RTEL1: variants seen among roughly 807,000 people sequenced by gnomAD.
The protein encoded by RTEL1 is regulator of telomere elongation helicase 1.
In RTEL1, 86 loss-of-function variants were observed where a neutral mutation model predicts 162.2. That is an observed-to-expected ratio of 0.53 (90% CI 0.45 to 0.63). RTEL1 has a LOEUF of 0.63. Ranked by LOEUF, RTEL1 falls within the 30% of genes least tolerant of loss-of-function variation. The pLI, the probability that RTEL1 is intolerant of heterozygous loss-of-function variation, is 0.00. For synonymous variants in RTEL1, 958 were observed against 717.9 expected (o/e 1.33, Z -5.35); for missense variants, 1,941 against 1,750.2 (o/e 1.11, Z -1.95).
In RTEL1 at chr20:63,693,540, ACCACCACCACCACCT is replaced by A. The variant is rs1568720728; in HGVS notation, c.2992+263_2992+277del. 3.7e-3 allele frequency among the ~76,000 whole-genome samples: 52 copies of A among 13,912 alleles called. 2 individuals carry two copies. Among genetic ancestry groups the A allele is most frequent in the Admixed American group, 0.01 (13 of 1,256 alleles). 9.1% of individuals were successfully genotyped at this position (13,912 alleles called of 152,430 possible). ...CACCACCACCACCTCCACCACCACC[ACCACCACCACCACCT>A]CCACCTCCACCACCTCCACCTCCAC... On this transcript the variant is annotated intron_variant, in intron 30 of 34. Coordinates refer to ENST00000360203, the MANE Select transcript of RTEL1 (RefSeq NM_001283009.2).
At chr20:63,664,348 A>G (rs3787103) in intron 6 of RTEL1, among the ~76,000 whole-genome samples, 71,665 of 152,038 alleles carry the variant, frequency 0.47, 17,366 homozygotes, top group Middle Eastern at 0.51. Flanking sequence ...TGGAACGCTG[A>G]GCATGGGCCT....
intron 6 of RTEL1, 58 bp downstream of exon 6, chr20:63,662,947 G>A (rs1053150189): frequency 6.6e-7 from 1 of 1,513,836 alleles, no homozygotes; most frequent in Non-Finnish European, 9.2e-7. Flanking sequence ...CTCTCAGGGT[G>A]GAGCTCAGTG....
At chr20:63,676,879 G>C (rs138002419) in intron 10 of RTEL1, among the ~76,000 whole-genome samples, 81 of 151,374 alleles carry the variant, frequency 5.4e-4, no homozygotes, top group African/African-American at 1.9e-3. Flanking sequence ...AGGTTGCAGT[G>C]AGCCGAGATC....
chr20:63,690,710 T>G, intron 26 of RTEL1, 95 bp from the exon 27 acceptor site: 2 of 1,396,422 alleles, frequency 1.4e-6, no homozygotes, highest in Non-Finnish European at 1.9e-6. Flanking sequence ...GGACCCCAAG[T>G]GCTGGGACTC....
Position 63,667,031 on chromosome 20 carries a change from G to A in RTEL1, c.615-438G>A, listed in dbSNP as rs192997671. Among the ~76,000 whole-genome samples the A allele has an allele frequency of 5.2e-3, 796 of 151,642 alleles. 6 individuals carry two copies. Among genetic ancestry groups the A allele is most frequent in the Non-Finnish European group, 8.9e-3 (606 of 67,924 alleles). On this transcript the variant is annotated intron_variant, in intron 7 of 34. Coordinates refer to ENST00000360203, the MANE Select transcript of RTEL1 (RefSeq NM_001283009.2). ...ATTTTCTGTATTTTTAGTAGAGACG[G>A]GGTTTCACCGTGTTAGCCAGGATGG...
chr20:63,682,132 T>A, intron 14 of RTEL1: 1 of 985,326 alleles, frequency 1.0e-6, no homozygotes, highest in Non-Finnish European at 1.2e-6. Context: ...CTCCCACTTA[T>A]GGAGAAGTCT....
At chr20:63,667,396 G>C in intron 7 of RTEL1, 73 bp from the exon 8 acceptor site, 1 of 1,222,232 alleles carries the variant, frequency 8.2e-7, no homozygotes, top group Non-Finnish European at 1.2e-6. Context: ...TTCCGGGTCA[G>C]AAGACATGGC....
At position 63,678,297 on chromosome 20, in the gene RTEL1, G is replaced by A. The variant is rs753838163; in HGVS notation, c.988G>A (p.Asp330Asn). The change falls in exon 12 of 35, where the codon GAT becomes AAT. Residue 330 changes from aspartate (D) to asparagine (N), a missense_variant. Transcript: ENST00000360203. The stretch of plus-strand genomic sequence containing the variant: ...CCTGCTGCGCCTGGAGGGGGCCATC[G>A]ATGCTGTTGAGCTGCCTGGAGACGA... ...MILLRLEGAI[D>N]AVELPGDDSG... The A allele has an allele frequency of 2.2e-5, 35 of 1,612,688 alleles. No homozygotes were observed. Among genetic ancestry groups the A allele is most frequent in the Middle Eastern group, 3.3e-4 (2 of 6,066 alleles).
intron 26 of RTEL1, 127 bp downstream of exon 26, chr20:63,690,568 A>C: frequency 1.6e-6 from 2 of 1,270,418 alleles, no homozygotes; most frequent in Non-Finnish European, 2.1e-6. Context: ...CCCACCTCCA[A>C]AGGCTGCCTC....
At chr20:63,660,498 C>T (rs1263220486) in intron 2 of RTEL1, among the ~76,000 whole-genome samples, 1 of 152,198 alleles carries the variant, frequency 6.6e-6, no homozygotes, top group Non-Finnish European at 1.5e-5. Flanking sequence ...GCTCTAGATC[C>T]CTTAAACCTT....
chr20:63,682,126 C>G, intron 14 of RTEL1: 2 of 985,454 alleles, frequency 2.0e-6, no homozygotes, highest in Non-Finnish European at 1.2e-6. Flanking sequence ...CCCAGGCTCC[C>G]ACTTATGGAG....
chr20:63,675,598 C>A (rs957944742), intron 10 of RTEL1, among the ~76,000 whole-genome samples: 1 of 152,154 alleles, frequency 6.6e-6, no homozygotes, highest in Non-Finnish European at 1.5e-5. Flanking sequence ...CCTGTAGCCT[C>A]GGCCTCCTGG....
At chr20:63,687,439 C>T in intron 16 of RTEL1, 199 bp from the exon 17 acceptor site, 1 of 602,072 alleles carries the variant, frequency 1.7e-6, no homozygotes, top group South Asian at 2.2e-5. Context: ...CCCTGTCCCC[C>T]AGAGGGGCCC....
intron 10 of RTEL1, among the ~76,000 whole-genome samples, chr20:63,675,195 A>G (rs6011023): frequency 0.11 from 17,159 of 152,212 alleles, 1,281 homozygotes; most frequent in African/African-American, 0.21. Flanking sequence ...GTGAGCCGCC[A>G]CGCCCGGCCT....
intron 24 of RTEL1, 87 bp from the exon 25 acceptor site, chr20:63,690,000 C>T (rs2090692292): frequency 1.3e-6 from 2 of 1,568,820 alleles, no homozygotes; most frequent in African/African-American, 2.7e-5. Context: ...GCGTGGGGCC[C>T]CTGCAGCAGA....
intron 31 of RTEL1, 50 bp from the exon 32 acceptor site, chr20:63,694,691 C>CTCAG (rs2090925163): frequency 6.8e-7 from 1 of 1,475,506 alleles, no homozygotes; most frequent in South Asian, 1.2e-5. Context: ...CGGTGGGACT[C>CTCAG]TCAGTCCTCC....
rs566765762 is a variant in RTEL1 at position 63,667,081 on chromosome 20, C to T, written c.615-388C>T. Among the ~76,000 whole-genome samples the T allele has an allele frequency of 5.3e-3, 813 of 152,068 alleles. 1 individual carries two copies. Among genetic ancestry groups the T allele is most frequent in the African/African-American group, 0.018 (752 of 41,470 alleles). On this transcript the variant is annotated intron_variant, in intron 7 of 34. Transcript: ENST00000360203. Reference sequence around the variant, plus strand: ...GTCTCGATCTTCTGACCTTGTGATCCGCCCACCTCGGCCTCCCAAAGTGCT... The same window carrying T: ...GTCTCGATCTTCTGACCTTGTGATCTGCCCACCTCGGCCTCCCAAAGTGCT...
rs115422766 is a variant in RTEL1, at chr20:63,659,595, G to A, written c.102+91G>A. On this transcript the variant is annotated intron_variant, in intron 2 of 34. Coordinates refer to ENST00000360203, the MANE Select transcript of RTEL1 (RefSeq NM_001283009.2). ...TCCCTCTCCCGGCCCATTCCAGCCA[G>A]GCCCCTCCGGGCCAGAGGCAGCGTC... is the stretch of plus-strand genomic sequence containing the variant. 848 of 931,602 alleles carry A rather than the reference G, an allele frequency of 9.1e-4. 6 individuals are homozygous for A. The African/African-American group carries it at 0.012, about 13-fold the overall frequency. The allele number at this position is 931,602 out of a possible 1,614,324, so 57.7% of individuals were successfully genotyped here. A position where few individuals can be genotyped will look rare whatever the true frequency, so the allele number is the denominator to read the frequency against.
rs74474822 is a variant in RTEL1 at position 63,673,895 on chromosome 20, G to A, written c.766-45G>A. The A allele has an allele frequency of 2.7e-5, 42 of 1,550,218 alleles. No homozygotes were observed. The East Asian group carries it at 4.1e-4, about 15-fold the overall frequency. ...CCCATTTCTGCTTTCTGGAACCCCC[G>A]ATCCTGTCCTGTTCTGTGGTGATTC... is the stretch of plus-strand genomic sequence containing the variant. On this transcript the variant is annotated intron_variant, in intron 9 of 34. Coordinates refer to ENST00000360203, the MANE Select transcript of RTEL1 (RefSeq NM_001283009.2).
Sources: gnomAD v4.1 joint callset for allele counts (sites outside exome capture counted in the v4.1 genomes callset) on GRCh38, gnomAD v4.1.1 for gene constraint, MANE v1.5 for transcripts, NCBI Gene and HGNC (gene_info 2026-07-23, HGNC 2026-07-21) for gene names.